Variants in GRID2 observed in about 807,000 individuals in gnomAD.
GRID2 encodes glutamate ionotropic receptor delta type subunit 2, also known as glutamate receptor ionotropic, delta-2.
GRID2 carries 33 observed loss-of-function variants against 114.8 expected under a neutral mutation model. The ratio of observed to expected loss-of-function variants is 0.29; its 90% CI spans 0.22 to 0.38. The LOEUF is 0.38. Among genes scored for constraint, GRID2 ranks in the 10% least tolerant of loss-of-function variants. The probability of loss-of-function intolerance (pLI) is 1.00; values close to 1 mark genes in which losing one functional copy is unlikely to be tolerated. For missense variants in GRID2, 1,184 were observed against 1,257.7 expected, an observed-to-expected ratio of 0.94 and a Z score of 0.89; for synonymous variants, 505 against 449.9, an observed-to-expected ratio of 1.12 and a Z score of -1.55.
At chr4:92,492,451 G>A (rs571770095) in intron 1 of GRID2, among the ~76,000 whole-genome samples, 16 of 152,298 alleles carry the variant, frequency 1.1e-4, no homozygotes, top group South Asian at 2.1e-4. Context: ...ATACATAAGA[G>A]CATGTATCAT....
intron 14 of GRID2, among the ~76,000 whole-genome samples, chr4:93,653,833 C>G (rs1053296759): frequency 1.3e-5 from 2 of 152,060 alleles, no homozygotes; most frequent in African/African-American, 4.8e-5. Flanking sequence ...TTCTTAGGAG[C>G]TCTACCTTTG....
At chr4:93,809,946 C>G (rs1735100405) in exon 2 of GRID2, 1 of 152,308 alleles carries the variant, frequency 6.6e-6, no homozygotes, top group African/African-American at 2.4e-5. Flanking sequence ...GCCAAAGGAT[C>G]CAGCAAAGAG....
intron 1 of GRID2, among the ~76,000 whole-genome samples, chr4:93,798,351 A>G (rs1182892641): frequency 6.8e-6 from 1 of 147,700 alleles, no homozygotes; most frequent in Non-Finnish European, 1.5e-5. Flanking sequence ...TTAGACCTGA[A>G]GAGACTCTCC....
At chr4:93,067,972 A>G (rs1447727873) in intron 2 of GRID2, among the ~76,000 whole-genome samples, 2 of 152,064 alleles carry the variant, frequency 1.3e-5, no homozygotes, top group Non-Finnish European at 2.9e-5. Context: ...TGAATAGCCT[A>G]GAATCTTCAA....
At chr4:92,975,134 G>C (rs1202836538) in intron 2 of GRID2, among the ~76,000 whole-genome samples, 1 of 96,162 alleles carries the variant, frequency 1.0e-5, no homozygotes, top group Non-Finnish European at 1.9e-5. Flanking sequence ...TCCAGCCTGG[G>C]CGACAGAGTG....
chr4:92,958,736 G>T (rs1222592419), intron 2 of GRID2, among the ~76,000 whole-genome samples: 1 of 152,012 alleles, frequency 6.6e-6, no homozygotes, highest in Non-Finnish European at 1.5e-5. Context: ...AGACATTATA[G>T]AAAATTGGTA....
In GRID2 at chr4:92,866,830, C is replaced by T. The variant is rs1309896413; in HGVS notation, c.245-218165C>T. Among the ~76,000 whole-genome samples, 3 of 152,058 alleles carry T rather than the reference C, an allele frequency of 2.0e-5. No homozygotes were observed. In the East Asian group the frequency reaches 5.8e-4, roughly 30 times the overall value. ...CCTCCCCAAGTGCGGGGATTGTAGG[C>T]GTGAGCCACCGCTCCCGGCCGATGT... On this transcript the variant is annotated intron_variant, in intron 2 of 15. Transcript: ENST00000282020.
rs957579920 is a variant in GRID2 at position 93,517,518 on chromosome 4, A to G, written c.2193+2107A>G. Reference sequence around the variant, plus strand: ...TAAGTGAAATTTGTTTGTACTATATATTTCTTTCAACCCAAATTAGAAACA... The same window carrying G: ...TAAGTGAAATTTGTTTGTACTATATGTTTCTTTCAACCCAAATTAGAAACA... On this transcript the variant is annotated intron_variant, in intron 13 of 15. Coordinates refer to ENST00000282020, the MANE Select transcript of GRID2 (RefSeq NM_001510.4). Among the ~76,000 whole-genome samples the G allele has an allele frequency of 2.0e-5, 3 of 152,056 alleles. 1 individual carries two copies. The highest frequency in any genetic ancestry group is 6.6e-5 in the Admixed American group (1 of 15,222).
chr4:92,943,237 A>T (rs1751318183), intron 2 of GRID2, among the ~76,000 whole-genome samples: 2 of 152,136 alleles, frequency 1.3e-5, no homozygotes, highest in Non-Finnish European at 2.9e-5. Flanking sequence ...CTTTTCACAT[A>T]GGCCCATATT....
At chr4:92,687,231 C>A (rs1286392291) in intron 2 of GRID2, among the ~76,000 whole-genome samples, 3 of 146,084 alleles carry the variant, frequency 2.1e-5, no homozygotes, top group Non-Finnish European at 4.5e-5. Context: ...AATTGCTCTT[C>A]TAGTCATTTC....
chr4:93,582,688 C>T (rs1316616811), intron 13 of GRID2, among the ~76,000 whole-genome samples: 4 of 151,690 alleles, frequency 2.6e-5, no homozygotes, highest in African/African-American at 9.7e-5. Context: ...TAATGGAGAC[C>T]TTACTTGTTA....
At chr4:93,119,540 AT>A (rs972214706) in intron 4 of GRID2, among the ~76,000 whole-genome samples, 1 of 152,032 alleles carries the variant, frequency 6.6e-6, no homozygotes, top group Non-Finnish European at 1.5e-5. Flanking sequence ...TCCAATTTAC[AT>A]TTTTTCTTCA....
chr4:92,463,735 G>T (rs1183210977), intron 1 of GRID2, among the ~76,000 whole-genome samples: 1 of 151,818 alleles, frequency 6.6e-6, no homozygotes, highest in Non-Finnish European at 1.5e-5. Context: ...GTATTAAAAG[G>T]TCAAGAATAT....
At chr4:92,730,964 C>T (rs1736302415) in intron 2 of GRID2, among the ~76,000 whole-genome samples, 1 of 151,812 alleles carries the variant, frequency 6.6e-6, no homozygotes, top group African/African-American at 2.4e-5. Context: ...TCATTGAATG[C>T]AGTGAAAATT....
intron 14 of GRID2, among the ~76,000 whole-genome samples, chr4:93,680,851 T>C (rs929991743): frequency 6.6e-6 from 1 of 151,986 alleles, no homozygotes; most frequent in African/African-American, 2.4e-5. Flanking sequence ...CTGGAAGCAT[T>C]CCCTTTGAAA....
intron 1 of GRID2, among the ~76,000 whole-genome samples, chr4:92,557,861 G>A (rs904593186): frequency 3.9e-5 from 6 of 151,998 alleles, no homozygotes; most frequent in African/African-American, 7.2e-5. Context: ...TTAAGTACAC[G>A]CATGCTTACT....
chr4:93,725,494 T>C (rs1346271211), intron 14 of GRID2, among the ~76,000 whole-genome samples: 1 of 152,100 alleles, frequency 6.6e-6, no homozygotes, highest in Non-Finnish European at 1.5e-5. Flanking sequence ...TTTGGGTATA[T>C]ACCCAGTAAT....
chr4:92,736,145 T>C (rs1214552012), intron 2 of GRID2, among the ~76,000 whole-genome samples: 2 of 152,090 alleles, frequency 1.3e-5, no homozygotes, highest in African/African-American at 4.8e-5. Flanking sequence ...ACAGGGATCT[T>C]TATAAGGAAA....
At chr4:92,755,404 C>T (rs1317207073) in intron 2 of GRID2, among the ~76,000 whole-genome samples, 1 of 152,110 alleles carries the variant, frequency 6.6e-6, no homozygotes, top group East Asian at 1.9e-4. Flanking sequence ...AATTTCCTAT[C>T]TTCAAGTACT....
Sources: allele counts gnomAD v4.1 joint callset (sites outside exome capture counted in the v4.1 genomes callset), GRCh38; gene constraint gnomAD v4.1.1; transcripts MANE v1.5; gene names NCBI Gene and HGNC (gene_info 2026-07-23, HGNC 2026-07-21).